RYR1: variants seen among roughly 807,000 people sequenced by gnomAD.
RYR1 encodes ryanodine receptor 1.
A neutral mutation model predicts 583.5 loss-of-function variants in RYR1; 342 were observed. That is an observed-to-expected ratio of 0.59 (90% CI 0.54 to 0.64). The LOEUF is 0.64. RYR1 is among the 30% of genes least tolerant of loss of function. RYR1 has a pLI of 0.00. For missense variants in RYR1, 6,032 were observed against 6,917.2 expected (o/e 0.87, Z 4.54); for synonymous variants, 2,791 against 2,822.5 (o/e 0.99, Z 0.35).
At chr19:38,477,998 T>A in intron 30 of RYR1, 128 bp downstream of exon 30, 1 of 891,866 alleles carries the variant, frequency 1.1e-6, no homozygotes, top group Non-Finnish European at 1.8e-6. Context: ...GAGGATTCTC[T>A]GGGGCACTGG....
At chr19:38,585,673 G>A (rs1974451381) in intron 102 of RYR1, among the ~76,000 whole-genome samples, 1 of 151,618 alleles carries the variant, frequency 6.6e-6, no homozygotes, top group Admixed American at 6.6e-5. Context: ...AGTAGTGAGG[G>A]GGTTTCACCA....
rs71165555 is a variant in RYR1, at chr19:38,520,693, C to CAAAAAAAAAAAA, written c.10259+1254_10259+1265dup. Among the ~76,000 whole-genome samples the CAAAAAAAAAAAA allele has an allele frequency of 2.6e-3, 121 of 46,890 alleles. 5 individuals are homozygous for CAAAAAAAAAAAA. The highest frequency in any genetic ancestry group is 6.3e-3 in the African/African-American group (114 of 18,208). The allele number at this position is 46,890 out of a possible 152,430, so 30.8% of individuals were successfully genotyped here. A position where few individuals can be genotyped will look rare whatever the true frequency, so the allele number is the denominator to read the frequency against. ...CTAGGAACAGAGCGAGGCTCCACCT[C>CAAAAAAAAAAAA]AAAAAAAAAAAAAAAAAAAAAAAAA... On this transcript the variant is annotated intron_variant, in intron 67 of 105. Coordinates refer to ENST00000359596, the MANE Select transcript of RYR1 (RefSeq NM_000540.3).
chr19:38,571,920 C>G, intron 94 of RYR1, 99 bp from the exon 95 acceptor site: 1 of 1,543,846 alleles, frequency 6.5e-7, no homozygotes, highest in South Asian at 1.1e-5. Flanking sequence ...AAGACTGTAT[C>G]TGGTATGGTC....
chr19:38,514,965 TG>T, intron 63 of RYR1, 60 bp from the exon 64 acceptor site: 1 of 1,121,570 alleles, frequency 8.9e-7, no homozygotes. Context: ...ACAAGGGAGG[TG>T]GGGTGGGGAG....
intron 20 of RYR1, among the ~76,000 whole-genome samples, chr19:38,462,151 G>A (rs769849083): frequency 6.6e-6 from 1 of 152,204 alleles, no homozygotes; most frequent in African/African-American, 2.4e-5. Flanking sequence ...GACAGCAAAG[G>A]TTTGGTTTTC....
At chr19:38,452,751 G>GGTTGCGGCAGTGAC in intron 12 of RYR1, 68 bp from the exon 13 acceptor site, 1 of 1,425,648 alleles carries the variant, frequency 7.0e-7, no homozygotes, top group Non-Finnish European at 9.5e-7. Flanking sequence ...GCGGGAGTGA[G>GGTTGCGGCAGTGAC]GTTGCGGCAG....
chr19:38,519,024 G>A (rs1397283313), intron 66 of RYR1, among the ~76,000 whole-genome samples, 190 bp from the exon 67 acceptor site: 1 of 152,008 alleles, frequency 6.6e-6, no homozygotes, highest in Non-Finnish European at 1.5e-5. Context: ...GATAGGGACT[G>A]GGTCTTAGGT....
chr19:38,548,883 C>G (rs1972544893), intron 89 of RYR1, among the ~76,000 whole-genome samples: 1 of 152,144 alleles, frequency 6.6e-6, no homozygotes, highest in African/African-American at 2.4e-5. Context: ...CGCTCAGCCC[C>G]CTTGGGTTAT....
intron 27 of RYR1, among the ~76,000 whole-genome samples, chr19:38,471,188 T>G (rs990810035): frequency 1.3e-5 from 2 of 152,218 alleles, no homozygotes; most frequent in Non-Finnish European, 2.9e-5. Flanking sequence ...GTTAGTTACT[T>G]TGAATGCAAA....
intron 66 of RYR1, among the ~76,000 whole-genome samples, chr19:38,518,137 A>AAAAG (rs1207537508): frequency 6.6e-6 from 1 of 151,982 alleles, no homozygotes; most frequent in Non-Finnish European, 1.5e-5. Context: ...CAAACAAAAC[A>AAAAG]AAAGGAAAGA....
At chr19:38,470,444 A>T (rs1432981618) in intron 27 of RYR1, among the ~76,000 whole-genome samples, 3 of 150,910 alleles carry the variant, frequency 2.0e-5, no homozygotes, top group Admixed American at 2.0e-4. Context: ...CATTGAAAAA[A>T]AAAAAAAAAA....
At chr19:38,518,300 C>G (rs1429299091) in intron 66 of RYR1, among the ~76,000 whole-genome samples, 1 of 151,570 alleles carries the variant, frequency 6.6e-6, no homozygotes, top group Non-Finnish European at 1.5e-5. Context: ...TGGCTCATGC[C>G]TGTAATCCCA....
At position 38,494,341 on chromosome 19, in the gene RYR1, C is replaced by T. The variant is rs766560974; in HGVS notation, c.6275-11C>T. Reference sequence around the variant, plus strand: ...CATGGTGCTCCAAGCCTTGCATTGTCTCCTTCCCAGGGTCCCTGCAGGAGC... The same window carrying T: ...CATGGTGCTCCAAGCCTTGCATTGTTTCCTTCCCAGGGTCCCTGCAGGAGC... On this transcript the variant is annotated splice_polypyrimidine_tract_variant and intron_variant, in intron 38 of 105. Coordinates refer to ENST00000359596, the MANE Select transcript of RYR1 (RefSeq NM_000540.3). 6.2e-7 allele frequency: 1 copy of T among 1,611,214 alleles called. No individual in the cohort carries two copies. The highest frequency in any genetic ancestry group is 8.5e-7 in the Non-Finnish European group (1 of 1,179,876).
At chr19:38,451,231 G>C (rs1967059727) in intron 11 of RYR1, among the ~76,000 whole-genome samples, 1 of 152,238 alleles carries the variant, frequency 6.6e-6, no homozygotes, top group South Asian at 2.1e-4. Flanking sequence ...GTCCAAAGTG[G>C]GGACACGTGA....
In RYR1 at chr19:38,473,701, G is replaced by A. The variant is rs35869497; in HGVS notation, c.4090G>A (p.Gly1364Arg). 2.6e-6 allele frequency: 4 copies of A among 1,549,550 alleles called. No individual in the cohort carries two copies. The highest frequency in any genetic ancestry group is 1.4e-5 in the African/African-American group (1 of 73,190). The change falls in exon 28 of 106, where the codon GGG (glycine) becomes AGG (arginine). Residue 1364 changes from glycine (G) to arginine (R), a missense_variant. Around this residue, in one of 11 missense-constraint regions of RYR1, gnomAD observed 2,627 missense variants for 2,961.3 expected, o/e 0.89. Coordinates refer to ENST00000359596, the MANE Select transcript of RYR1 (RefSeq NM_000540.3). The part of the protein sequence containing the change: ...EGAPGGTPQA[G>R]GEAQPARAEN... ...CGCCCCCGGGGGCACCCCGCAGGCG[G>A]GGGGAGAGGCGCAGCCCGCCAGGGC...
At chr19:38,539,705 A>G (rs4802589) in intron 84 of RYR1, among the ~76,000 whole-genome samples, 3,467 of 152,220 alleles carry the variant, frequency 0.023, 94 homozygotes, top group Admixed American at 0.073. Flanking sequence ...TAAATTCATG[A>G]CCTAATCAAA....
Position 38,444,357 on chromosome 19 carries a change from C to G in RYR1, c.537+96C>G, listed in dbSNP as rs1475277341. ...GGTTTGCCTGGCTGATCTCCCACCC[C>G]CAAGGTCCTGACTCCCAATTTCCCA... is the stretch of plus-strand genomic sequence containing the variant. On this transcript the variant is annotated intron_variant, in intron 6 of 105. Coordinates refer to ENST00000359596, the MANE Select transcript of RYR1 (RefSeq NM_000540.3). This position sits in a 1 kb window ranked among gnomAD's most constrained non-coding sequence, Gnocchi z 5.1. 5 of 1,063,976 alleles carry G rather than the reference C, an allele frequency of 4.7e-6. No homozygotes were observed. The African/African-American group carries it at 6.3e-5, about 13-fold the overall frequency. The allele number at this position is 1,063,976 out of a possible 1,614,324, so 65.9% of individuals were successfully genotyped here.
chr19:38,557,456 C>T (rs1255287389), intron 89 of RYR1, among the ~76,000 whole-genome samples: 2 of 152,134 alleles, frequency 1.3e-5, no homozygotes, highest in African/African-American at 4.8e-5. Context: ...CCCTGTAAAC[C>T]GGCTGGTGGC....
rs536669204 is a variant in RYR1, at chr19:38,578,461, G to A, written c.14364+257G>A. 2.9e-4 allele frequency among the ~76,000 whole-genome samples: 44 copies of A among 152,338 alleles called. 2 individuals are homozygous for A. In the South Asian group the frequency reaches 8.9e-3, roughly 31 times the overall value. ...TACTCCCAACACTTTGAGAAGCCAAGGCTGGTGGATCACTGGAGCCCAGAG... is the reference window on the plus strand; with the variant it reads ...TACTCCCAACACTTTGAGAAGCCAAAGCTGGTGGATCACTGGAGCCCAGAG... On this transcript the variant is annotated intron_variant, in intron 99 of 105. Transcript: ENST00000359596.
Sources: gnomAD v4.1 joint callset for allele counts (sites outside exome capture counted in the v4.1 genomes callset) on GRCh38, gnomAD v4.1.1 for gene constraint, gnomAD v4.1.1 regional missense constraint, Gnocchi (gnomAD v3.1) non-coding constraint, MANE v1.5 for transcripts, NCBI Gene and HGNC (gene_info 2026-07-23, HGNC 2026-07-21) for gene names.